CDH12: variants seen among roughly 807,000 people sequenced by gnomAD.
CDH12 encodes the protein cadherin 12, also known as cadherin-12.
In CDH12, 41 loss-of-function variants were observed where a neutral mutation model predicts 74.1. That is an observed-to-expected ratio of 0.55 (90% confidence interval 0.43 to 0.72). The LOEUF (loss-of-function observed/expected upper bound fraction) is 0.72, where lower values mean the gene tolerates loss of function less well. Among genes scored for constraint, CDH12 ranks in the 30% least tolerant of loss-of-function variants. The probability of loss-of-function intolerance (pLI) is 0.00; values close to 1 mark genes in which losing one functional copy is unlikely to be tolerated. For synonymous variants in CDH12, 399 were observed against 355.0 expected (o/e 1.12, Z -1.39); for missense variants, 945 against 977.2 (o/e 0.97, Z 0.44).
chr5:22,811,504 A>G (rs941168154), intron 1 of CDH12, among the ~76,000 whole-genome samples: 1 of 152,160 alleles, frequency 6.6e-6, no homozygotes, highest in African/African-American at 2.4e-5. Flanking sequence ...GCCCAGTGAT[A>G]AAATAGAGGC....
chr5:22,464,940 T>G (rs1745664405), intron 2 of CDH12, among the ~76,000 whole-genome samples: 1 of 148,920 alleles, frequency 6.7e-6, no homozygotes, highest in Admixed American at 6.8e-5. Context: ...AGGCGGAGGC[T>G]GCAGTGAGCC....
chr5:22,036,865 T>A (rs1035519835), intron 5 of CDH12, among the ~76,000 whole-genome samples: 2 of 152,224 alleles, frequency 1.3e-5, no homozygotes, highest in Non-Finnish European at 2.9e-5. Flanking sequence ...ATTTCCTTGA[T>A]TTAATACAGT....
intron 1 of CDH12, among the ~76,000 whole-genome samples, chr5:22,810,912 T>A (rs1247234761): frequency 1.3e-5 from 2 of 151,518 alleles, no homozygotes; most frequent in African/African-American, 4.9e-5. Context: ...TATATGTGTG[T>A]GTGTGTGTGT....
intron 5 of CDH12, among the ~76,000 whole-genome samples, 185 bp downstream of exon 5, chr5:22,078,261 G>T (rs1464173133): frequency 6.6e-6 from 1 of 152,060 alleles, no homozygotes; most frequent in Non-Finnish European, 1.5e-5. Context: ...AGCAAAGAGG[G>T]TTTAAATGAT....
chr5:22,542,041 C>A (rs1580748691), intron 1 of CDH12, among the ~76,000 whole-genome samples: 1 of 152,264 alleles, frequency 6.6e-6, no homozygotes, highest in East Asian at 1.9e-4. Flanking sequence ...GATCACTTTC[C>A]TGAGTTTTAA....
intron 5 of CDH12, among the ~76,000 whole-genome samples, chr5:21,985,187 G>A (rs1757463770): frequency 6.6e-6 from 1 of 152,066 alleles, no homozygotes; most frequent in Non-Finnish European, 1.5e-5. Flanking sequence ...ATTATCTTTT[G>A]TCATGGAACT....
intron 1 of CDH12, among the ~76,000 whole-genome samples, chr5:22,515,397 C>A (rs1470511678): frequency 6.6e-6 from 1 of 151,822 alleles, no homozygotes; most frequent in African/African-American, 2.4e-5. Context: ...TTGTCCTGCT[C>A]AATAATAAAC....
intron 1 of CDH12, among the ~76,000 whole-genome samples, chr5:22,740,091 G>A (rs1744943242): frequency 6.6e-6 from 1 of 151,984 alleles, no homozygotes; most frequent in Non-Finnish European, 1.5e-5. Flanking sequence ...TTACATAATT[G>A]AATTTAATAT....
At chr5:22,278,090 T>C (rs2150404721) in intron 3 of CDH12, 1 of 152,308 alleles carries the variant, frequency 6.6e-6, no homozygotes, top group Middle Eastern at 3.4e-3. Flanking sequence ...CTTTTATTGA[T>C]TTAACTGCCA....
chr5:22,694,074 G>A (rs183946548), intron 1 of CDH12, among the ~76,000 whole-genome samples: 1 of 152,156 alleles, frequency 6.6e-6, no homozygotes, highest in Non-Finnish European at 1.5e-5. Flanking sequence ...AAAGTAGCTG[G>A]ACTACAGGCA....
At chr5:22,820,030 C>T (rs575659615) in intron 1 of CDH12, among the ~76,000 whole-genome samples, 12 of 142,912 alleles carry the variant, frequency 8.4e-5, no homozygotes, top group African/African-American at 2.1e-4. Context: ...CATATATATA[C>T]ATATACATAT....
chr5:21,773,319 T>TA (rs1745421262), intron 11 of CDH12, among the ~76,000 whole-genome samples: 1 of 152,086 alleles, frequency 6.6e-6, no homozygotes, highest in East Asian at 1.9e-4. Context: ...TTTGAGTCAG[T>TA]GAACTGAAAG....
In CDH12 at chr5:21,884,396, T is replaced by C. The variant is rs1752519952; in HGVS notation, c.527-29606A>G. 2.9e-5 allele frequency: 31 copies of C among 1,053,048 alleles called. No homozygotes were observed. The South Asian group carries it at 3.5e-4, about 12-fold the overall frequency. 65.2% of individuals were successfully genotyped at this position (1,053,048 alleles called of 1,614,324 possible). On this transcript the variant is annotated intron_variant, in intron 6 of 14. Transcript: ENST00000382254. ...TTCCTCACCAATAACTTCAGAGAAG[T>C]CAGTTGGAGAAAATGAAAAAAAGGC...
intron 5 of CDH12, among the ~76,000 whole-genome samples, chr5:22,047,709 C>T (rs560451951): frequency 6.6e-6 from 1 of 152,288 alleles, no homozygotes; most frequent in African/African-American, 2.4e-5. Flanking sequence ...ATCTCTAAGC[C>T]TATCCACAAG....
chr5:22,513,600 T>C (rs1225816286), intron 1 of CDH12, among the ~76,000 whole-genome samples: 2 of 152,150 alleles, frequency 1.3e-5, no homozygotes, highest in African/African-American at 4.8e-5. Context: ...CAAAATACCA[T>C]GGGAGTCCTG....
chr5:22,752,563 T>C (rs1745639488), intron 1 of CDH12, among the ~76,000 whole-genome samples: 2 of 20,176 alleles, frequency 9.9e-5, no homozygotes, highest in Non-Finnish European at 1.2e-4. Context: ...TTTTTTTTTT[T>C]TTTTTTTTTT....
intron 3 of CDH12, among the ~76,000 whole-genome samples, chr5:22,255,438 A>G (rs1416912410): frequency 2.0e-5 from 3 of 151,846 alleles, no homozygotes; most frequent in African/African-American, 7.2e-5. Flanking sequence ...TATTAAAAAT[A>G]CAATACTATA....
chr5:22,530,408 GA>G (rs1333917041), intron 1 of CDH12, among the ~76,000 whole-genome samples: 1 of 152,090 alleles, frequency 6.6e-6, no homozygotes, highest in Non-Finnish European at 1.5e-5. Context: ...GATGTTTGTA[GA>G]GGGGCAGAGT....
At chr5:22,826,354 C>T (rs1437567001) in intron 1 of CDH12, among the ~76,000 whole-genome samples, 1 of 152,168 alleles carries the variant, frequency 6.6e-6, no homozygotes, top group Non-Finnish European at 1.5e-5. Context: ...CATTAAAGCT[C>T]TTTCCTTTGT....
Sources: gnomAD v4.1 joint callset for allele counts (sites outside exome capture counted in the v4.1 genomes callset) on GRCh38, gnomAD v4.1.1 for gene constraint, MANE v1.5 for transcripts, NCBI Gene and HGNC (gene_info 2026-07-23, HGNC 2026-07-21) for gene names.